The following PDZD2 variants were observed in gnomAD, a reference collection of about 807,000 sequenced individuals.
PDZD2 encodes PDZ domain containing 2.
PDZD2 carries 90 observed loss-of-function variants against 220.7 expected under a neutral mutation model. That is an observed-to-expected ratio of 0.41 (90% CI 0.34 to 0.49). PDZD2 has a LOEUF of 0.49. Ranked by LOEUF, PDZD2 falls within the 20% of genes least tolerant of loss-of-function variation. The pLI, the probability that PDZD2 is intolerant of heterozygous loss-of-function variation, is 0.28. For synonymous variants in PDZD2, 1,375 were observed against 1,450.5 expected (o/e 0.95, Z 1.18); for missense variants, 3,174 against 3,608.5 (o/e 0.88, Z 3.08).
At chr5:31,984,505 A>AGG (rs1750556876) in intron 3 of PDZD2, among the ~76,000 whole-genome samples, 1 of 152,188 alleles carries the variant, frequency 6.6e-6, no homozygotes, top group Non-Finnish European at 1.5e-5. Flanking sequence ...GATGCCCCTT[A>AGG]GGGATGAAAG....
chr5:32,057,117 T>A (rs1739161739), intron 10 of PDZD2, among the ~76,000 whole-genome samples: 1 of 152,098 alleles, frequency 6.6e-6, no homozygotes, highest in Non-Finnish European at 1.5e-5. Context: ...AATTTTTTTT[T>A]AGTAAAAAAA....
intron 2 of PDZD2, among the ~76,000 whole-genome samples, chr5:31,934,273 C>T (rs932641067): frequency 4.6e-5 from 7 of 152,112 alleles, no homozygotes; most frequent in African/African-American, 9.7e-5. Flanking sequence ...CAGGAGTCCA[C>T]GCTTTCCTGA....
At chr5:31,845,600 G>A (rs1757540713) in intron 2 of PDZD2, among the ~76,000 whole-genome samples, 1 of 152,336 alleles carries the variant, frequency 6.6e-6, no homozygotes, top group South Asian at 2.1e-4. Flanking sequence ...GTGCAGAGAA[G>A]TGGCAGGAAG....
intron 7 of PDZD2, among the ~76,000 whole-genome samples, chr5:32,046,209 A>G (rs904854088): frequency 1.3e-5 from 2 of 152,196 alleles, no homozygotes; most frequent in African/African-American, 4.8e-5. Context: ...AGGTATTGAT[A>G]AAGTCTTTAA....
At chr5:31,789,362 TAGTA>T (rs1435576889) in intron 1 of PDZD2, among the ~76,000 whole-genome samples, 1 of 152,220 alleles carries the variant, frequency 6.6e-6, no homozygotes, top group South Asian at 2.1e-4. Context: ...GGGTTTCTGT[TAGTA>T]AGGAAAAAGC....
At position 31,894,775 on chromosome 5, in the gene PDZD2, G is replaced by A. The variant is rs116178939; in HGVS notation, c.477-88380G>A. Among the ~76,000 whole-genome samples the A allele has an allele frequency of 9.9e-3, 1,510 of 152,296 alleles. 15 individuals carry two copies. The highest frequency in any genetic ancestry group is 0.02 in the Middle Eastern group (6 of 294). On this transcript the variant is annotated intron_variant, in intron 2 of 24. Transcript: ENST00000438447. The stretch of plus-strand genomic sequence containing the variant: ...CTGTATCCTCAGCCCAATGCTGCAC[G>A]AGGGAAATGCCCCAGAAGGGGAACC...
chr5:31,791,590 CAAAAAAAAAAAA>C (rs1157216997), intron 1 of PDZD2, among the ~76,000 whole-genome samples: 6 of 50,442 alleles, frequency 1.2e-4, no homozygotes, highest in Middle Eastern at 0.013. Flanking sequence ...AACTCCGTCT[CAAAAAAAAAAAA>C]AAAAAAAAAA....
At chr5:31,684,432 G>A (rs1746769746) in intron 1 of PDZD2, among the ~76,000 whole-genome samples, 1 of 152,128 alleles carries the variant, frequency 6.6e-6, no homozygotes, top group South Asian at 2.1e-4. Context: ...CAGACCACTT[G>A]TCACCATTCC....
intron 2 of PDZD2, among the ~76,000 whole-genome samples, chr5:31,976,078 T>G (rs975574004): frequency 4.6e-5 from 7 of 152,064 alleles, no homozygotes; most frequent in African/African-American, 1.7e-4. Flanking sequence ...CTAAGGACAA[T>G]TTGACTCTGT....
chr5:31,964,409 C>A (rs546482452), intron 2 of PDZD2, among the ~76,000 whole-genome samples: 1 of 152,208 alleles, frequency 6.6e-6, no homozygotes, highest in East Asian at 1.9e-4. Context: ...TAATCTTGCA[C>A]CAGATAGTTA....
At chr5:31,721,230 G>A (rs1171758957) in intron 1 of PDZD2, among the ~76,000 whole-genome samples, 1 of 152,134 alleles carries the variant, frequency 6.6e-6, no homozygotes, top group African/African-American at 2.4e-5. Context: ...CTCACTGTCT[G>A]ACTTTAAGGT....
At chr5:31,692,156 C>T (rs765755546) in intron 1 of PDZD2, among the ~76,000 whole-genome samples, 8 of 92,784 alleles carry the variant, frequency 8.6e-5, no homozygotes, top group East Asian at 2.9e-4. Flanking sequence ...GAGCCCTGCT[C>T]GCGGGAAGGC....
chr5:31,642,690 T>G (rs1330377134), intron 1 of PDZD2, among the ~76,000 whole-genome samples: 1 of 152,026 alleles, frequency 6.6e-6, no homozygotes, highest in Non-Finnish European at 1.5e-5. Flanking sequence ...ATCAGGGGTG[T>G]TTGGGCTGGA....
chr5:32,020,417 C>T (rs1754108359), intron 6 of PDZD2, among the ~76,000 whole-genome samples: 1 of 152,194 alleles, frequency 6.6e-6, no homozygotes, highest in Admixed American at 6.5e-5. Context: ...GAAGTGGGAA[C>T]AGGGTAACGT....
rs5867108 is a variant in PDZD2 at position 31,837,016 on chromosome 5, A to AAAAGAAAGAAAGAAAG, written c.476+37316_476+37331dup. ...CTGGGCAACTGAGCGAGACTGTCTT[A>AAAAGAAAGAAAGAAAG]AAAGAAAGAAAGAAAGAAAGAAAGA... On this transcript the variant is annotated intron_variant, in intron 2 of 24. Coordinates refer to ENST00000438447, the MANE Select transcript of PDZD2 (RefSeq NM_178140.4). Among the ~76,000 whole-genome samples the AAAAGAAAGAAAGAAAG allele has an allele frequency of 1.1e-3, 163 of 146,678 alleles. 2 individuals are homozygous for AAAAGAAAGAAAGAAAG. The highest frequency in any genetic ancestry group is 4.7e-3 in the East Asian group (18 of 3,838).
At chr5:31,817,292 A>G (rs1755526583) in intron 2 of PDZD2, among the ~76,000 whole-genome samples, 1 of 151,846 alleles carries the variant, frequency 6.6e-6, no homozygotes, top group Admixed American at 6.6e-5. Flanking sequence ...TCAGGAGTTC[A>G]AGAACAGCCT....
At chr5:31,872,764 A>G (rs1319451846) in intron 2 of PDZD2, among the ~76,000 whole-genome samples, 1 of 152,038 alleles carries the variant, frequency 6.6e-6, no homozygotes, top group Non-Finnish European at 1.5e-5. Context: ...ATACAGACAT[A>G]TATCTACATA....
At chr5:31,904,560 C>T (rs887886999) in intron 2 of PDZD2, among the ~76,000 whole-genome samples, 1 of 152,146 alleles carries the variant, frequency 6.6e-6, no homozygotes, top group Admixed American at 6.5e-5. Context: ...CAGAGTCTCG[C>T]TCTGTCGCGC....
Position 32,078,484 on chromosome 5 carries a change from T to C in PDZD2, c.3682+878T>C, listed in dbSNP as rs546961076. On this transcript the variant is annotated intron_variant, in intron 19 of 24. Transcript: ENST00000438447. ...ATCTCTACTAAAAAGACAAAAAAAT[T>C]AGCTGGGCATGGTGGAGCACGCTTA... Among the ~76,000 whole-genome samples the C allele has an allele frequency of 3.8e-4, 58 of 151,728 alleles. No individual in the cohort carries two copies. The South Asian group carries it at 0.011, about 29-fold the overall frequency.
Sources: gnomAD v4.1 joint callset for allele counts (sites outside exome capture counted in the v4.1 genomes callset) on GRCh38, gnomAD v4.1.1 for gene constraint, MANE v1.5 for transcripts, NCBI Gene and HGNC (gene_info 2026-07-23, HGNC 2026-07-21) for gene names.